Variants in STUM observed in about 807,000 individuals in gnomAD.
STUM encodes stum, mechanosensory transduction mediator homolog, also known as protein stum homolog.
Under a neutral mutation model 15.3 loss-of-function variants are expected in STUM, and 8 were observed. The observed-to-expected ratio is 0.52, with a 90% CI of 0.31 to 0.94. The LOEUF is 0.94. STUM is among the 40% of genes least tolerant of loss of function. The probability of loss-of-function intolerance (pLI) is 0.05; values close to 1 mark genes in which losing one functional copy is unlikely to be tolerated. For missense variants in STUM, 142 were observed against 204.9 expected, an observed-to-expected ratio of 0.69 and a Z score of 1.87; for synonymous variants, 78 against 88.7, an observed-to-expected ratio of 0.88 and a Z score of 0.68.
Position 226,596,932 on chromosome 1 carries a change from G to A in STUM, c.333G>A (p.Val111=), listed in dbSNP as rs915488762. 2 of 1,614,244 alleles carry A rather than the reference G, an allele frequency of 1.2e-6. No individual in the cohort carries two copies. Among genetic ancestry groups the A allele is most frequent in the Admixed American group, 3.3e-5 (2 of 60,034 alleles). The part of the protein sequence containing the change: ...LIQILTAIVM[V]GWIMSIFWGM... The stretch of plus-strand genomic sequence containing the variant: ...AAATCCTCACTGCCATCGTCATGGT[G>A]GGCTGGATCATGAGCATCTTCTGGG... The change falls in exon 2 of 4, where the codon GTG becomes GTA. Residue 111 remains valine (V), a synonymous_variant. Coordinates refer to ENST00000366788, the MANE Select transcript of STUM (RefSeq NM_001003665.4).
At chr1:226,557,285 T>C (rs774883295) in intron 1 of STUM, among the ~76,000 whole-genome samples, 3 of 152,258 alleles carry the variant, frequency 2.0e-5, no homozygotes, top group Non-Finnish European at 4.4e-5. Flanking sequence ...GTTCCATTCA[T>C]GTTGTTGCAA....
intron 1 of STUM, among the ~76,000 whole-genome samples, chr1:226,576,837 A>G (rs75354246): frequency 6.6e-6 from 1 of 152,230 alleles, no homozygotes; most frequent in Admixed American, 6.5e-5. Context: ...GCCTTGGCTG[A>G]TGCCTCTCTG....
chr1:226,575,024 A>C (rs1165927149), intron 1 of STUM, among the ~76,000 whole-genome samples: 2 of 152,110 alleles, frequency 1.3e-5, no homozygotes, highest in African/African-American at 4.8e-5. Context: ...TCCATCCCAG[A>C]ACTCTGCATA....
intron 1 of STUM, among the ~76,000 whole-genome samples, chr1:226,582,083 G>T (rs1461469484): frequency 1.3e-5 from 2 of 152,170 alleles, no homozygotes. Context: ...GCTGTCCCCA[G>T]CCTCCTCCTG....
intron 1 of STUM, among the ~76,000 whole-genome samples, chr1:226,573,499 G>A (rs1667753962): frequency 6.6e-6 from 1 of 152,102 alleles, no homozygotes; most frequent in Non-Finnish European, 1.5e-5. Context: ...CAAGGCTCTG[G>A]TTTTCTTTCC....
At chr1:226,585,700 GC>G (rs1194304205) in intron 1 of STUM, among the ~76,000 whole-genome samples, 1 of 152,196 alleles carries the variant, frequency 6.6e-6, no homozygotes, top group Non-Finnish European at 1.5e-5. Context: ...CTCTCTCACC[GC>G]CCCGTGGGAT....
In STUM at chr1:226,550,410, A is replaced by C. The variant is rs147387119; in HGVS notation, c.202+1304A>C. On this transcript the variant is annotated intron_variant, in intron 1 of 3. Transcript: ENST00000366788. ...TTCTCTCTTCTGGGGTGCCTCCAGCAGCCTGTCCCCCTGGCTGGTGTCATC... is the reference window on the plus strand; with the variant it reads ...TTCTCTCTTCTGGGGTGCCTCCAGCCGCCTGTCCCCCTGGCTGGTGTCATC... Among the ~76,000 whole-genome samples, 584 of 152,296 alleles carry C rather than the reference A, an allele frequency of 3.8e-3. 6 individuals are homozygous for C. The highest frequency in any genetic ancestry group is 0.013 in the African/African-American group (553 of 41,540).
intron 1 of STUM, among the ~76,000 whole-genome samples, chr1:226,582,464 G>A (rs1001051720): frequency 2.6e-5 from 4 of 151,974 alleles, no homozygotes; most frequent in Non-Finnish European, 5.9e-5. Flanking sequence ...GTGTGGTGGC[G>A]GGCACCTGTA....
Position 226,583,011 on chromosome 1 carries a change from A to T in STUM, c.203-13791A>T, listed in dbSNP as rs570768757. On this transcript the variant is annotated intron_variant, in intron 1 of 3. Transcript: ENST00000366788. The stretch of plus-strand genomic sequence containing the variant: ...CTGGGCTTGGTTATTCTTAGCTGGG[A>T]TGGCTAGATGGCTGCGGCCATCCGC... 3.3e-5 allele frequency among the ~76,000 whole-genome samples: 5 copies of T among 152,330 alleles called. No homozygotes were observed. The South Asian group carries it at 1.0e-3, about 32-fold the overall frequency.
Position 226,604,243 on chromosome 1 carries a change from G to A in STUM, c.*2203G>A, listed in dbSNP as rs1356030677. On this transcript the variant is annotated 3_prime_UTR_variant, in exon 4 of 4. Coordinates refer to ENST00000366788, the MANE Select transcript of STUM (RefSeq NM_001003665.4). This position sits in a 1 kb window ranked among gnomAD's most constrained non-coding sequence, Gnocchi z 4.7. ...TAGCAATTTATGTCGCATGTTTAGTGACACAATCCAGATGCAGGTGGGACT... is the reference window on the plus strand; with the variant it reads ...TAGCAATTTATGTCGCATGTTTAGTAACACAATCCAGATGCAGGTGGGACT... 2 of 152,244 alleles carry A rather than the reference G, an allele frequency of 1.3e-5. No individual in the cohort carries two copies. Among genetic ancestry groups the A allele is most frequent in the Non-Finnish European group, 2.9e-5 (2 of 68,068 alleles). The allele number at this position is 152,244 out of a possible 1,614,324, so 9.4% of individuals were successfully genotyped here. A position where few individuals can be genotyped will look rare whatever the true frequency, so the allele number is the denominator to read the frequency against.
intron 1 of STUM, among the ~76,000 whole-genome samples, chr1:226,586,060 T>C (rs759665007): frequency 6.6e-6 from 1 of 152,040 alleles, no homozygotes; most frequent in Non-Finnish European, 1.5e-5. Flanking sequence ...CATGACCTCA[T>C]CAAACCTTTG....
Position 226,567,674 on chromosome 1 carries a change from A to AT in STUM, c.202+18570dup, listed in dbSNP as rs1667645442. Among the ~76,000 whole-genome samples the AT allele has an allele frequency of 6.6e-6, 1 of 152,192 alleles. No individual in the cohort carries two copies. Among genetic ancestry groups the AT allele is most frequent in the Non-Finnish European group, 1.5e-5 (1 of 68,040 alleles). ...AGAATTTTCTAATAGCCAAACACAC[A>AT]TTGGAGAAGAAATGACAAATAAAAG... is the stretch of plus-strand genomic sequence containing the variant. On this transcript the variant is annotated intron_variant, in intron 1 of 3. Transcript: ENST00000366788. This position sits in a 1 kb window ranked among gnomAD's most constrained non-coding sequence, Gnocchi z 4.5.
intron 1 of STUM, among the ~76,000 whole-genome samples, chr1:226,576,967 C>T (rs918299560): frequency 6.6e-6 from 1 of 152,174 alleles, no homozygotes; most frequent in Admixed American, 6.5e-5. Flanking sequence ...ACATAGCTAC[C>T]CACACACTTC....
At chr1:226,556,162 C>T (rs1025169664) in intron 1 of STUM, among the ~76,000 whole-genome samples, 5 of 152,142 alleles carry the variant, frequency 3.3e-5, no homozygotes, top group Non-Finnish European at 1.5e-5. Context: ...ACCCAGCTGC[C>T]ATGGGAGTGG....
chr1:226,595,058 C>A (rs1019361776), intron 1 of STUM, among the ~76,000 whole-genome samples: 3 of 152,230 alleles, frequency 2.0e-5, no homozygotes, highest in African/African-American at 4.8e-5. Flanking sequence ...AAGCTAGTAG[C>A]TGGCTCGAGC....
chr1:226,566,302 T>C (rs1667624754), intron 1 of STUM, among the ~76,000 whole-genome samples: 1 of 152,258 alleles, frequency 6.6e-6, no homozygotes, highest in Admixed American at 6.5e-5. Context: ...TTGATAGCCA[T>C]GCCAATTACA....
At chr1:226,569,631 A>C (rs1203063843) in intron 1 of STUM, among the ~76,000 whole-genome samples, 3 of 152,170 alleles carry the variant, frequency 2.0e-5, no homozygotes, top group Non-Finnish European at 4.4e-5. Flanking sequence ...GCAGAAATGG[A>C]GTGGGGCCAG....
In STUM at chr1:226,608,526, G is replaced by A. The variant is rs984076224; in HGVS notation, c.*6486G>A. The A allele has an allele frequency of 4.6e-5, 7 of 152,148 alleles. No homozygotes were observed. Among genetic ancestry groups the A allele is most frequent in the African/African-American group, 1.7e-4 (7 of 41,412 alleles). The allele number at this position is 152,148 out of a possible 1,614,324, so 9.4% of individuals were successfully genotyped here. On this transcript the variant is annotated 3_prime_UTR_variant, in exon 4 of 4. Coordinates refer to ENST00000366788, the MANE Select transcript of STUM (RefSeq NM_001003665.4). This position sits in a 1 kb window ranked among gnomAD's most constrained non-coding sequence, Gnocchi z 4.0. ...TGCATATGAATGAGTGTTGTGTTGT[G>A]ATTTGCAGTGTTTTGACACCGTGAT...
intron 1 of STUM, among the ~76,000 whole-genome samples, chr1:226,571,442 T>C (rs2102695162): frequency 6.6e-6 from 1 of 152,292 alleles, no homozygotes; most frequent in East Asian, 1.9e-4. Context: ...CTGCTACCTA[T>C]TTGGTGATGA....
Sources: allele counts gnomAD v4.1 joint callset (sites outside exome capture counted in the v4.1 genomes callset), GRCh38; gene constraint gnomAD v4.1.1; non-coding constraint Gnocchi (gnomAD v3.1); transcripts MANE v1.5; gene names NCBI Gene and HGNC (gene_info 2026-07-23, HGNC 2026-07-21).